Variants in BAMBI observed in about 807,000 individuals in gnomAD.
BAMBI encodes the protein BMP and activin membrane bound inhibitor.
A neutral mutation model predicts 24.1 loss-of-function variants in BAMBI; 21 were observed. The ratio of observed to expected loss-of-function variants is 0.87; its 90% confidence interval spans 0.62 to 1.26. BAMBI has a LOEUF of 1.26. BAMBI is among the 50% of genes most tolerant of loss of function. The probability of loss-of-function intolerance (pLI) is 0.00; values close to 1 mark genes in which losing one functional copy is unlikely to be tolerated. For synonymous variants in BAMBI, 156 were observed against 123.1 expected (o/e 1.27, Z -1.77); for missense variants, 388 against 329.1 (o/e 1.18, Z -1.38).
In BAMBI at chr10:28,681,989, G is replaced by GA; in HGVS notation, c.374dup (p.Asn125LysfsTer6). 6.2e-7 allele frequency: 1 copy of GA among 1,610,706 alleles called. No homozygotes were observed. Among genetic ancestry groups the GA allele is most frequent in the Non-Finnish European group, 8.5e-7 (1 of 1,177,278 alleles). ...TTTCTTTGTACTCCTTTAGGACAAG[G>GA]AAACAGGTATCAGCATGATGGTAGC... On this transcript the variant is annotated frameshift_variant, in exon 3 of 3. Coordinates refer to ENST00000375533, the MANE Select transcript of BAMBI (RefSeq NM_012342.3). LOFTEE classifies it high-confidence loss of function.
rs1834509437 is a variant in BAMBI, at chr10:28,682,385, A to G, written c.767A>G (p.Lys256Arg). 6.2e-7 allele frequency: 1 copy of G among 1,610,044 alleles called. No individual in the cohort carries two copies. Among genetic ancestry groups the G allele is most frequent in the South Asian group, 1.1e-5 (1 of 91,036 alleles). Residue 256 changes from lysine (K) to arginine (R), a missense_variant, in exon 3 of 3, where the codon AAG (lysine) becomes AGG (arginine). Transcript: ENST00000375533. The part of the protein sequence containing the change: ...VHWGMYSGHG[K>R]LEFV ...TGGGGCATGTACAGTGGGCACGGGA[A>G]GCTGGAATTCGTATGACGGAGTCTT...
At chr10:28,679,561 A>T (rs1364853105) in intron 1 of BAMBI, among the ~76,000 whole-genome samples, 1 of 152,132 alleles carries the variant, frequency 6.6e-6, no homozygotes, top group African/African-American at 2.4e-5. Flanking sequence ...GAACTTTCCC[A>T]GTTACCTGTC....
At chr10:28,681,120 C>T (rs557601811) in intron 1 of BAMBI, 138 bp from the exon 2 acceptor site, 1 of 855,184 alleles carries the variant, frequency 1.2e-6, no homozygotes, top group African/African-American at 1.7e-5. Flanking sequence ...AGGGCTTCTC[C>T]AGGCTCTGTA....
In BAMBI at chr10:28,682,275, C is replaced by T. The variant is rs762204835; in HGVS notation, c.657C>T (p.Val219=). The T allele has an allele frequency of 4.3e-6, 7 of 1,614,142 alleles. No individual in the cohort carries two copies. Among genetic ancestry groups the T allele is most frequent in the Admixed American group, 1.7e-5 (1 of 60,016 alleles). The change falls in exon 3 of 3, where the codon GTC becomes GTT. Residue 219 remains valine, a synonymous_variant. Transcript: ENST00000375533. The part of the protein sequence containing the change: ...AKLDLECMVP[V]SGHENCCLTC... ...TAGACTTGGAATGCATGGTGCCGGT[C>T]AGTGGGCACGAGAACTGCTGTCTGA...
intron 1 of BAMBI, among the ~76,000 whole-genome samples, chr10:28,679,583 A>C (rs1378386757): frequency 6.6e-6 from 1 of 152,142 alleles, no homozygotes; most frequent in Non-Finnish European, 1.5e-5. Flanking sequence ...AAATTTTATT[A>C]GGCTGTTTTT....
chr10:28,678,022 G>T (rs763639474), intron 1 of BAMBI, 49 bp downstream of exon 1: 47 of 1,474,606 alleles, frequency 3.2e-5, no homozygotes, highest in Middle Eastern at 2.3e-4. Context: ...TCGCCGCGGG[G>T]CTTTGGAGCC....
intron 2 of BAMBI, 103 bp downstream of exon 2, chr10:28,681,648 G>A (rs180834414): frequency 1.4e-4 from 181 of 1,284,206 alleles, no homozygotes; most frequent in Non-Finnish European, 1.5e-4. Context: ...AATGTAATTA[G>A]AGACACCAGA....
rs1834456510 is a variant in BAMBI, at chr10:28,678,084, C to T, written c.76+111C>T. Reference sequence around the variant, plus strand: ...GCGAGGCTCCCTCCTGCGCCGGAGCCGCAGGTCGCGACAAGTTGCTGTGTT... The same window carrying T: ...GCGAGGCTCCCTCCTGCGCCGGAGCTGCAGGTCGCGACAAGTTGCTGTGTT... On this transcript the variant is annotated intron_variant, in intron 1 of 2. Coordinates refer to ENST00000375533, the MANE Select transcript of BAMBI (RefSeq NM_012342.3). 6.2e-6 allele frequency: 6 copies of T among 971,690 alleles called. No individual in the cohort carries two copies. The South Asian group carries it at 1.1e-4, about 18-fold the overall frequency. 60.2% of individuals were successfully genotyped at this position (971,690 alleles called of 1,614,324 possible).
In BAMBI at chr10:28,682,421, C is replaced by T. The variant is rs370839252; in HGVS notation, c.*20C>T. ...GTATGACGGAGTCTTATCTGAACTA[C>T]ACTTACTGAACAGCTTGAAGGCCTT... is the stretch of plus-strand genomic sequence containing the variant. On this transcript the variant is annotated 3_prime_UTR_variant, in exon 3 of 3. Coordinates refer to ENST00000375533, the MANE Select transcript of BAMBI (RefSeq NM_012342.3). 16 of 1,595,962 alleles carry T rather than the reference C, an allele frequency of 1.0e-5. No homozygotes were observed. In the African/African-American group the frequency reaches 1.6e-4, roughly 16 times the overall value.
rs189067155 is a variant in BAMBI at position 28,677,553 on chromosome 10, C to A, written c.-345C>A. 4.1e-5 allele frequency: 7 copies of A among 169,558 alleles called. No homozygotes were observed. The highest frequency in any genetic ancestry group is 7.5e-5 in the Non-Finnish European group (6 of 79,978). The allele number at this position is 169,558 out of a possible 1,614,324, so 10.5% of individuals were successfully genotyped here. A position where few individuals can be genotyped will look rare whatever the true frequency, so the allele number is the denominator to read the frequency against. On this transcript the variant is annotated 5_prime_UTR_variant, in exon 1 of 3. Coordinates refer to ENST00000375533, the MANE Select transcript of BAMBI (RefSeq NM_012342.3). ...CGCGGGCGGGAGCTGCGGCGGATAC[C>A]CTTGCGTGCTGTGGAGACCCTACTC... is the stretch of plus-strand genomic sequence containing the variant.
At chr10:28,681,116 T>C in intron 1 of BAMBI, 142 bp from the exon 2 acceptor site, 1 of 807,808 alleles carries the variant, frequency 1.2e-6, no homozygotes, top group East Asian at 2.6e-5. Context: ...AGGAAGGGCT[T>C]CTCCAGGCTC....
In BAMBI at chr10:28,682,453, T is replaced by A. The variant is rs1834510675; in HGVS notation, c.*52T>A. 1 of 1,515,624 alleles carries A rather than the reference T, an allele frequency of 6.6e-7. No individual in the cohort carries two copies. Among genetic ancestry groups the A allele is most frequent in the Non-Finnish European group, 9.0e-7 (1 of 1,116,954 alleles). The allele number at this position is 1,515,624 out of a possible 1,614,324, so 93.9% of individuals were successfully genotyped here. Reference sequence around the variant, plus strand: ...TGAACAGCTTGAAGGCCTTTTGAGTTCTGCTGGACAGGAGCACTTTATCTG... The same window carrying A: ...TGAACAGCTTGAAGGCCTTTTGAGTACTGCTGGACAGGAGCACTTTATCTG... On this transcript the variant is annotated 3_prime_UTR_variant, in exon 3 of 3. Transcript: ENST00000375533.
chr10:28,682,509 A>T lies in BAMBI; in HGVS notation c.*108A>T. 9.8e-7 allele frequency: 1 copy of T among 1,025,402 alleles called. No individual in the cohort carries two copies. The highest frequency in any genetic ancestry group is 1.4e-6 in the Non-Finnish European group (1 of 703,200). 63.5% of individuals were successfully genotyped at this position (1,025,402 alleles called of 1,614,324 possible). On this transcript the variant is annotated 3_prime_UTR_variant, in exon 3 of 3. Coordinates refer to ENST00000375533, the MANE Select transcript of BAMBI (RefSeq NM_012342.3). ...AAACTCATTTAATCATCTTTGAGAG[A>T]CAAAATGACCTCTGCAAACAGAATC... is the stretch of plus-strand genomic sequence containing the variant.
chr10:28,681,900 C>A (rs894492368), intron 2 of BAMBI, 83 bp from the exon 3 acceptor site: 3 of 1,304,952 alleles, frequency 2.3e-6, no homozygotes, highest in Non-Finnish European at 3.2e-6. Flanking sequence ...TAATGGAATT[C>A]TTGGTTAAAA....
At position 28,682,738 on chromosome 10, in the gene BAMBI, A is replaced by C. The variant is rs1834513562; in HGVS notation, c.*337A>C. 5.2e-6 allele frequency: 1 copy of C among 191,242 alleles called. No homozygotes were observed. The highest frequency in any genetic ancestry group is 1.3e-4 in the East Asian group (1 of 7,722). 11.8% of individuals were successfully genotyped at this position (191,242 alleles called of 1,614,324 possible). On this transcript the variant is annotated 3_prime_UTR_variant, in exon 3 of 3. Coordinates refer to ENST00000375533, the MANE Select transcript of BAMBI (RefSeq NM_012342.3). ...TTCTACATCTTGATTTATTGTAAAG[A>C]TTTAAAAGAAATATATATATTTTGT...
intron 1 of BAMBI, among the ~76,000 whole-genome samples, chr10:28,679,007 CT>C (rs974253152): frequency 3.9e-5 from 6 of 152,194 alleles, no homozygotes; most frequent in Admixed American, 1.3e-4. Flanking sequence ...TTGCAGCCCC[CT>C]ACTTCTCTTT....
chr10:28,678,981 G>A (rs539133759), intron 1 of BAMBI, among the ~76,000 whole-genome samples: 47 of 146,516 alleles, frequency 3.2e-4, no homozygotes, highest in African/African-American at 1.0e-3. Flanking sequence ...TTTTTAAGTA[G>A]GAAGCAGTTT....
Position 28,682,074 on chromosome 10 carries a change from AGCGGTCATT to A in BAMBI, c.459_467del (p.Ile155_Val157del). On this transcript the variant is annotated inframe_deletion, in exon 3 of 3. Transcript: ENST00000375533. ...CTTCCAAAGAGTTGTGGTTCCGGGC[AGCGGTCATT>A]GCCGTGCCCATTGCTGGAGGGCTGA... is the stretch of plus-strand genomic sequence containing the variant. 10 of 1,614,188 alleles carry A rather than the reference AGCGGTCATT, an allele frequency of 6.2e-6. No individual in the cohort carries two copies. The highest frequency in any genetic ancestry group is 8.5e-6 in the Non-Finnish European group (10 of 1,180,036).
In BAMBI at chr10:28,677,957, C is replaced by A. The variant is rs1588642567; in HGVS notation, c.60C>A (p.Ala20=). 1.3e-6 allele frequency: 2 copies of A among 1,530,040 alleles called. No individual in the cohort carries two copies. Among genetic ancestry groups the A allele is most frequent in the Non-Finnish European group, 1.7e-6 (2 of 1,144,682 alleles). 94.8% of individuals were successfully genotyped at this position (1,530,040 alleles called of 1,614,324 possible). The part of the protein sequence containing the change: ...IWLQLELCAM[A]VLLTKGEIRC... ...TGCAGCTGGAGCTCTGCGCCATGGC[C>A]GTGCTGCTCACCAAAGGTGGGTGCC... The change falls in exon 1 of 3, where the codon GCC becomes GCA. Residue 20 remains alanine (A), a synonymous_variant. Transcript: ENST00000375533.
Sources: gnomAD v4.1 joint callset for allele counts (sites outside exome capture counted in the v4.1 genomes callset) on GRCh38, gnomAD v4.1.1 for gene constraint, MANE v1.5 for transcripts, NCBI Gene and HGNC (gene_info 2026-07-23, HGNC 2026-07-21) for gene names.